The following UNC13C variants were observed in gnomAD, a reference collection of about 807,000 sequenced individuals.
The protein encoded by UNC13C is unc-13 homolog C, also known as protein unc-13 homolog C.
In UNC13C, 174 loss-of-function variants were observed where a neutral mutation model predicts 245.4. The observed-to-expected ratio is 0.71, with a 90% CI of 0.63 to 0.80. UNC13C has a LOEUF of 0.80. Ranked by LOEUF, UNC13C falls within the 30% of genes least tolerant of loss-of-function variation. UNC13C has a pLI of 0.00. For synonymous variants in UNC13C, 992 were observed against 895.1 expected (o/e 1.11, Z -1.93); for missense variants, 2,829 against 2,602.9 (o/e 1.09, Z -1.89).
chr15:54,261,282 C>T (rs1048699951), intron 8 of UNC13C, among the ~76,000 whole-genome samples: 1 of 151,998 alleles, frequency 6.6e-6, no homozygotes, highest in Non-Finnish European at 1.5e-5. Flanking sequence ...TTTAGATAAA[C>T]AAATAAGCCT....
intron 4 of UNC13C, among the ~76,000 whole-genome samples, chr15:54,214,736 A>G (rs2034987761): frequency 6.6e-6 from 1 of 152,018 alleles, no homozygotes; most frequent in South Asian, 2.1e-4. Context: ...TTCATTAATT[A>G]TGAATGATCA....
intron 4 of UNC13C, among the ~76,000 whole-genome samples, chr15:54,209,785 G>A (rs1383620344): frequency 1.3e-5 from 2 of 152,012 alleles, no homozygotes; most frequent in African/African-American, 2.4e-5. Flanking sequence ...GCTAAACAAC[G>A]ATTACACATT....
intron 28 of UNC13C, among the ~76,000 whole-genome samples, chr15:54,550,252 C>T (rs1220546617): frequency 2.0e-5 from 3 of 152,076 alleles, no homozygotes; most frequent in African/African-American, 7.2e-5. Context: ...CACAGGTAAC[C>T]TTGTTTCAAA....
the UNC13C span, among the ~76,000 whole-genome samples, chr15:53,841,648 T>G: frequency 6.6e-6 from 1 of 152,298 alleles, no homozygotes; most frequent in South Asian, 2.1e-4. Context: ...AGCTGAGGAA[T>G]AGAAAGTTTA....
chr15:54,408,938 G>T (rs889348303), intron 18 of UNC13C, among the ~76,000 whole-genome samples: 1 of 152,080 alleles, frequency 6.6e-6, no homozygotes, highest in African/African-American at 2.4e-5. Context: ...TTTTTCCGTG[G>T]TATCATTTAA....
At chr15:54,348,687 TA>T (rs2140836631) in intron 17 of UNC13C, among the ~76,000 whole-genome samples, 1 of 152,322 alleles carries the variant, frequency 6.6e-6, no homozygotes, top group South Asian at 2.1e-4. Flanking sequence ...CTTTCTCAGT[TA>T]TTTTAACCCA....
Position 54,129,845 on chromosome 15 carries a change from T to C in UNC13C, c.2984-13173T>C, listed in dbSNP as rs533757626. 2.1e-3 allele frequency among the ~76,000 whole-genome samples: 319 copies of C among 151,742 alleles called. 2 individuals carry two copies. Among genetic ancestry groups the C allele is most frequent in the Non-Finnish European group, 2.9e-3 (196 of 67,836 alleles). On this transcript the variant is annotated intron_variant, in intron 2 of 32. Coordinates refer to ENST00000260323, the MANE Select transcript of UNC13C (RefSeq NM_001080534.3). Reference sequence around the variant, plus strand: ...TCCATTACAACTTTAAAAAAGTCTTTATTTATACTCATTTTTCCATGTCAT... The same window carrying C: ...TCCATTACAACTTTAAAAAAGTCTTCATTTATACTCATTTTTCCATGTCAT...
chr15:53,894,801 T>C, the UNC13C span, among the ~76,000 whole-genome samples: 2 of 152,326 alleles, frequency 1.3e-5, no homozygotes, highest in African/African-American at 2.4e-5. Flanking sequence ...GTAAAACTTT[T>C]ATTATAGCAA....
chr15:54,172,383 C>G (rs1040772767), intron 4 of UNC13C, among the ~76,000 whole-genome samples: 7 of 151,788 alleles, frequency 4.6e-5, no homozygotes. Flanking sequence ...ATATACACAC[C>G]TACTAGGTAC....
At chr15:54,378,385 A>T (rs986548398) in intron 17 of UNC13C, among the ~76,000 whole-genome samples, 3 of 152,140 alleles carry the variant, frequency 2.0e-5, no homozygotes, top group African/African-American at 7.2e-5. Context: ...TTTTAATACA[A>T]GTGTAATTTA....
intron 24 of UNC13C, among the ~76,000 whole-genome samples, chr15:54,519,249 G>A (rs559119136): frequency 7.9e-5 from 12 of 152,066 alleles, no homozygotes; most frequent in Admixed American, 2.0e-4. Flanking sequence ...GGGAAAAAAT[G>A]TATAAGAGAA....
the UNC13C span, among the ~76,000 whole-genome samples, chr15:53,900,849 T>C: frequency 6.6e-6 from 1 of 152,218 alleles, no homozygotes; most frequent in South Asian, 2.1e-4. Context: ...TCAATTGAGC[T>C]ACAGGAATAG....
At position 54,619,541 on chromosome 15, in the gene UNC13C, A is replaced by G. The variant is rs142090274; in HGVS notation, c.6107-2786A>G. On this transcript the variant is annotated intron_variant, in intron 30 of 32. Transcript: ENST00000260323. The stretch of plus-strand genomic sequence containing the variant: ...ACACAGTGACCATTCACCTGCTTTG[A>G]AAGAAGAGACTGGTCACTAATGACA... Among the ~76,000 whole-genome samples, 1,234 of 152,296 alleles carry G rather than the reference A, an allele frequency of 8.1e-3. 19 individuals are homozygous for G. Among genetic ancestry groups the G allele is most frequent in the African/African-American group, 0.029 (1,186 of 41,560 alleles).
intron 2 of UNC13C, among the ~76,000 whole-genome samples, chr15:54,129,707 T>C (rs1430771843): frequency 4.0e-5 from 6 of 151,608 alleles, no homozygotes; most frequent in Admixed American, 3.9e-4. Context: ...TATATATCAT[T>C]CTCTCAGAAC....
rs1036983342 is a variant in UNC13C, at chr15:54,266,694, A to G, written c.3818+1198A>G. 8.6e-5 allele frequency among the ~76,000 whole-genome samples: 13 copies of G among 151,982 alleles called. No homozygotes were observed. The South Asian group carries it at 1.2e-3, about 15-fold the overall frequency. On this transcript the variant is annotated intron_variant, in intron 10 of 32. Coordinates refer to ENST00000260323, the MANE Select transcript of UNC13C (RefSeq NM_001080534.3). ...TAAAATCTACACATTTAAAGTGTACATTTTGTTAAGTTTTGACATATGTGT... is the reference window on the plus strand; with the variant it reads ...TAAAATCTACACATTTAAAGTGTACGTTTTGTTAAGTTTTGACATATGTGT...
intron 10 of UNC13C, among the ~76,000 whole-genome samples, chr15:54,273,565 G>A (rs1264114579): frequency 6.6e-6 from 1 of 152,126 alleles, no homozygotes; most frequent in Non-Finnish European, 1.5e-5. Context: ...CACCATACAA[G>A]TCCTGGGTTA....
At position 54,269,912 on chromosome 15, in the gene UNC13C, A is replaced by G. The variant is rs537610162; in HGVS notation, c.3818+4416A>G. Among the ~76,000 whole-genome samples, 29 of 152,344 alleles carry G rather than the reference A, an allele frequency of 1.9e-4. 2 individuals carry two copies. Among genetic ancestry groups the G allele is most frequent in the African/African-American group, 7.0e-4 (29 of 41,584 alleles). On this transcript the variant is annotated intron_variant, in intron 10 of 32. Transcript: ENST00000260323. Reference sequence around the variant, plus strand: ...CACTGTACCTGGCCATGCATGAACTATATATAAGTACATAATATTTCAAAA... The same window carrying G: ...CACTGTACCTGGCCATGCATGAACTGTATATAAGTACATAATATTTCAAAA...
the UNC13C span, among the ~76,000 whole-genome samples, chr15:53,897,932 A>G: frequency 6.6e-6 from 1 of 152,192 alleles, no homozygotes; most frequent in African/African-American, 2.4e-5. Context: ...TGTACTTTGA[A>G]AAACTCTTGG....
intron 27 of UNC13C, among the ~76,000 whole-genome samples, chr15:54,547,692 G>C (rs1896544227): frequency 6.6e-6 from 1 of 152,116 alleles, no homozygotes. Context: ...TTTACTGCCA[G>C]ACAGTGAGTG....
Sources: gnomAD v4.1 joint callset for allele counts (sites outside exome capture counted in the v4.1 genomes callset) on GRCh38, gnomAD v4.1.1 for gene constraint, MANE v1.5 for transcripts, NCBI Gene and HGNC (gene_info 2026-07-23, HGNC 2026-07-21) for gene names.